Variants in KAZN observed in about 807,000 individuals in gnomAD.
The protein encoded by KAZN is kazrin.
In KAZN, 40 loss-of-function variants were observed where a neutral mutation model predicts 87.4. That is an observed-to-expected ratio of 0.46 (90% CI 0.36 to 0.60). The LOEUF (loss-of-function observed/expected upper bound fraction) is 0.60. Ranked by LOEUF, KAZN falls within the 20% of genes least tolerant of loss-of-function variation. KAZN has a pLI of 0.00. For missense variants in KAZN, 898 were observed against 1,073.9 expected (o/e 0.84, Z 2.29); for synonymous variants, 466 against 458.3 (o/e 1.02, Z -0.22).
At chr1:14,098,785 A>G (rs1475918027) in intron 1 of KAZN, among the ~76,000 whole-genome samples, 1 of 152,140 alleles carries the variant, frequency 6.6e-6, no homozygotes, top group African/African-American at 2.4e-5. Flanking sequence ...GGGACTCTTC[A>G]GCTCTTCATT....
In KAZN at chr1:14,900,220, C is replaced by T. The variant is rs75518568; in HGVS notation, c.227-60464C>T. 3.8e-3 allele frequency among the ~76,000 whole-genome samples: 575 copies of T among 152,304 alleles called. 8 individuals carry two copies. The highest frequency in any genetic ancestry group is 0.013 in the African/African-American group (539 of 41,570). On this transcript the variant is annotated intron_variant, in intron 1 of 14. Coordinates refer to ENST00000376030, the MANE Select transcript of KAZN (RefSeq NM_201628.3). ...CAGGGCCAATGTTCTGATTCCCGCT[C>T]AGAACTACTTCTTAGGGAGCCATCA...
chr1:14,976,271 T>C (rs1447595259), intron 2 of KAZN, among the ~76,000 whole-genome samples: 1 of 152,104 alleles, frequency 6.6e-6, no homozygotes, highest in Non-Finnish European at 1.5e-5. Flanking sequence ...TGGACTCAGA[T>C]GATTCTCCCA....
In KAZN at chr1:14,184,445, T is replaced by C. The variant is rs1646262564; in HGVS notation, c.249+3853T>C. 6.6e-6 allele frequency among the ~76,000 whole-genome samples: 1 copy of C among 152,126 alleles called. No individual in the cohort carries two copies. On this transcript the variant is annotated intron_variant, in intron 2 of 16. Coordinates refer to the KAZN transcript ENST00000636203. The surrounding 1 kb of genome is among the most constrained non-coding windows in gnomAD (Gnocchi z 4.2). ...TTTCCTTGTCTGTCTTTCTTTCTGT[T>C]ATTTGTGTTCGGGGAACTGGAAAGC...
intron 1 of KAZN, among the ~76,000 whole-genome samples, chr1:14,724,578 G>A (rs536597899): frequency 6.6e-6 from 1 of 152,304 alleles, no homozygotes; most frequent in East Asian, 1.9e-4. Flanking sequence ...TTGCTCTCCT[G>A]GTTCCTTCTC....
intron 1 of KAZN, among the ~76,000 whole-genome samples, chr1:13,984,327 A>C (rs896975421): frequency 1.3e-5 from 2 of 152,214 alleles, no homozygotes; most frequent in African/African-American, 2.4e-5. Flanking sequence ...ATTATTAATC[A>C]GAAAGTCTTG....
chr1:14,120,216 T>C (rs1570784170), intron 1 of KAZN, among the ~76,000 whole-genome samples: 1 of 152,104 alleles, frequency 6.6e-6, no homozygotes, highest in South Asian at 2.1e-4. Context: ...AGGAAACTTA[T>C]AATCATAGAA....
intron 1 of KAZN, among the ~76,000 whole-genome samples, chr1:14,914,214 C>A (rs1027915552): frequency 6.6e-6 from 1 of 152,166 alleles, no homozygotes; most frequent in South Asian, 2.1e-4. Flanking sequence ...AGAGATGCTG[C>A]TGCAGCTGAT....
At chr1:14,321,042 C>T (rs1571298754) in intron 2 of KAZN, among the ~76,000 whole-genome samples, 1 of 152,096 alleles carries the variant, frequency 6.6e-6, no homozygotes, top group Admixed American at 6.6e-5. Flanking sequence ...ATCATATTCT[C>T]TGGAATTAAC....
At chr1:15,004,315 G>A (rs1668787915) in intron 2 of KAZN, among the ~76,000 whole-genome samples, 1 of 152,214 alleles carries the variant, frequency 6.6e-6, no homozygotes, top group Non-Finnish European at 1.5e-5. Flanking sequence ...ATCCCAGCCA[G>A]CTTCCAGAGC....
chr1:14,665,260 A>G (rs942838961), intron 1 of KAZN, among the ~76,000 whole-genome samples: 8 of 151,756 alleles, frequency 5.3e-5, no homozygotes, highest in African/African-American at 1.9e-4. Context: ...GTCCTCTTCT[A>G]GCAATCTTTA....
intron 1 of KAZN, among the ~76,000 whole-genome samples, chr1:14,921,652 A>T (rs1301507610): frequency 6.6e-6 from 1 of 152,256 alleles, no homozygotes; most frequent in Non-Finnish European, 1.5e-5. Context: ...TCCAAGTGAC[A>T]GGAGCTACAT....
intron 1 of KAZN, among the ~76,000 whole-genome samples, chr1:13,950,381 C>G (rs1641300624): frequency 6.6e-6 from 1 of 152,318 alleles, no homozygotes; most frequent in South Asian, 2.1e-4. Flanking sequence ...GATGGTCTCT[C>G]CTATCAGACT....
chr1:14,982,274 T>A (rs1666325611), intron 2 of KAZN, among the ~76,000 whole-genome samples: 1 of 152,146 alleles, frequency 6.6e-6, no homozygotes, highest in African/African-American at 2.4e-5. Context: ...CAAACCCCTG[T>A]CTGTTGACAC....
chr1:14,865,515 G>T (rs1369055461), intron 1 of KAZN, among the ~76,000 whole-genome samples: 1 of 152,146 alleles, frequency 6.6e-6, no homozygotes, highest in Non-Finnish European at 1.5e-5. Flanking sequence ...CATGGCAGAA[G>T]CCTGGAGACT....
chr1:14,307,653 C>T (rs552671148), intron 2 of KAZN, among the ~76,000 whole-genome samples: 1 of 152,266 alleles, frequency 6.6e-6, no homozygotes, highest in East Asian at 1.9e-4. Context: ...TTTATAGCTG[C>T]CCAAGACAGA....
chr1:14,415,275 G>C (rs1664655466), intron 2 of KAZN, among the ~76,000 whole-genome samples: 1 of 152,140 alleles, frequency 6.6e-6, no homozygotes, highest in Non-Finnish European at 1.5e-5. Context: ...AGAGGCTGTA[G>C]TATTAATCCG....
intron 2 of KAZN, among the ~76,000 whole-genome samples, chr1:14,306,321 TG>T (rs1654926252): frequency 6.6e-6 from 1 of 152,240 alleles, no homozygotes; most frequent in Non-Finnish European, 1.5e-5. Flanking sequence ...GGGTTGACTC[TG>T]AAGGTCCGTG....
At chr1:14,417,110 C>T (rs890213739) in intron 2 of KAZN, among the ~76,000 whole-genome samples, 3 of 150,442 alleles carry the variant, frequency 2.0e-5, no homozygotes, top group African/African-American at 4.9e-5. Flanking sequence ...GAGAATAGCT[C>T]GAACCTGGGA....
intron 8 of KAZN, among the ~76,000 whole-genome samples, chr1:15,093,687 G>A (rs1640662959): frequency 1.3e-5 from 2 of 152,212 alleles, no homozygotes; most frequent in African/African-American, 4.8e-5. Flanking sequence ...GGTGAATACT[G>A]TGTAAAGATA....
Sources: allele counts gnomAD v4.1 joint callset (sites outside exome capture counted in the v4.1 genomes callset), GRCh38; gene constraint gnomAD v4.1.1; non-coding constraint Gnocchi (gnomAD v3.1); transcripts MANE v1.5; gene names NCBI Gene and HGNC (gene_info 2026-07-23, HGNC 2026-07-21).